MAD1L1: variants seen among roughly 807,000 people sequenced by gnomAD.
The protein encoded by MAD1L1 is mitotic spindle assembly checkpoint protein MAD1.
MAD1L1 carries 95 observed loss-of-function variants against 96.9 expected under a neutral mutation model. The ratio of observed to expected loss-of-function variants is 0.98; its 90% CI spans 0.83 to 1.16. The LOEUF (loss-of-function observed/expected upper bound fraction) is 1.16, where lower values mean the gene tolerates loss of function less well. Ranked by LOEUF, MAD1L1 falls within the 50% of genes most tolerant of loss-of-function variation. MAD1L1 has a pLI of 0.00. For missense variants in MAD1L1, 1,007 were observed against 954.4 expected (o/e 1.06, Z -0.73); for synonymous variants, 473 against 396.6 (o/e 1.19, Z -2.29).
chr7:2,062,099 G>A lies in MAD1L1; in HGVS notation c.1218+7095C>T, dbSNP rs115206912. On this transcript the variant is annotated intron_variant, in intron 12 of 18. Transcript: ENST00000265854. ...CTACAAAAATACAAAAAAATTAGCT[G>A]GGTATAGTGACAGGCACCTGAAATC... is the stretch of plus-strand genomic sequence containing the variant. Among the ~76,000 whole-genome samples, 593 of 151,932 alleles carry A rather than the reference G, an allele frequency of 3.9e-3. 5 individuals are homozygous for A. The highest frequency in any genetic ancestry group is 0.013 in the African/African-American group (544 of 41,416).
chr7:1,832,109 G>C (rs1233445828), intron 18 of MAD1L1, among the ~76,000 whole-genome samples: 1 of 152,178 alleles, frequency 6.6e-6, no homozygotes, highest in East Asian at 1.9e-4. Flanking sequence ...AAAACCTTCT[G>C]GAAAGGAGCT....
chr7:2,191,988 G>A (rs1361401933), intron 10 of MAD1L1, among the ~76,000 whole-genome samples: 4 of 151,588 alleles, frequency 2.6e-5, no homozygotes, highest in Admixed American at 6.6e-5. Context: ...CTGAGATCGC[G>A]TCACTGCACT....
chr7:2,105,489 G>A (rs1787041578), intron 11 of MAD1L1, among the ~76,000 whole-genome samples: 2 of 152,100 alleles, frequency 1.3e-5, no homozygotes, highest in Non-Finnish European at 2.9e-5. Flanking sequence ...CAGGGAGCGT[G>A]GATCATCACC....
intron 12 of MAD1L1, among the ~76,000 whole-genome samples, chr7:2,030,259 C>T (rs980090526): frequency 1.2e-4 from 19 of 152,196 alleles, no homozygotes; most frequent in African/African-American, 3.1e-4. Flanking sequence ...CCCACAGTGA[C>T]GCCCGGGGTG....
At chr7:2,028,014 T>A (rs1314034317) in intron 12 of MAD1L1, among the ~76,000 whole-genome samples, 1 of 152,186 alleles carries the variant, frequency 6.6e-6, no homozygotes, top group Non-Finnish European at 1.5e-5. Context: ...AAGTTAATAA[T>A]CAAAGTCCAA....
At chr7:2,037,378 G>C (rs780968406) in intron 12 of MAD1L1, among the ~76,000 whole-genome samples, 5 of 152,190 alleles carry the variant, frequency 3.3e-5, no homozygotes, top group Non-Finnish European at 5.9e-5. Flanking sequence ...TGCTCTCCTG[G>C]ACTACACAGA....
chr7:1,979,300 G>T (rs1196456489), intron 15 of MAD1L1, among the ~76,000 whole-genome samples: 1 of 152,212 alleles, frequency 6.6e-6, no homozygotes, highest in Admixed American at 6.5e-5. Context: ...CCTGTTCTCA[G>T]TTCCTCTGAT....
chr7:1,959,893 A>C (rs1779881497), intron 15 of MAD1L1, among the ~76,000 whole-genome samples: 1 of 152,214 alleles, frequency 6.6e-6, no homozygotes, highest in African/African-American at 2.4e-5. Flanking sequence ...GCATTTAGGG[A>C]GGATCTTTCT....
intron 16 of MAD1L1, 114 bp downstream of exon 16, chr7:1,957,515 A>T (rs1398824982): frequency 2.9e-6 from 3 of 1,048,612 alleles, no homozygotes; most frequent in Non-Finnish European, 4.2e-6. Context: ...GAGAGTTCAG[A>T]CAGACGAGCC....
At chr7:1,910,724 G>A (rs560062969) in intron 17 of MAD1L1, among the ~76,000 whole-genome samples, 2 of 152,216 alleles carry the variant, frequency 1.3e-5, no homozygotes, top group African/African-American at 2.4e-5. Flanking sequence ...GAGCCTGCTC[G>A]GGCTTTGAGT....
chr7:2,070,105 CTT>C lies in MAD1L1; in HGVS notation c.1074-769_1074-768del, dbSNP rs1421896627. Among the ~76,000 whole-genome samples, 12 of 152,368 alleles carry C rather than the reference CTT, an allele frequency of 7.9e-5. No individual in the cohort carries two copies. The East Asian group carries it at 2.3e-3, about 29-fold the overall frequency. The stretch of plus-strand genomic sequence containing the variant: ...AAGCCTTTGGTGGCTCCCAACCACT[CTT>C]GGTGAGCTTCCGAGTTCGTGGCCTG... On this transcript the variant is annotated intron_variant, in intron 11 of 18. Coordinates refer to ENST00000265854, the MANE Select transcript of MAD1L1 (RefSeq NM_001013836.2).
intron 11 of MAD1L1, among the ~76,000 whole-genome samples, chr7:2,138,433 C>T (rs1187452357): frequency 6.6e-6 from 1 of 152,216 alleles, no homozygotes; most frequent in African/African-American, 2.4e-5. Flanking sequence ...GGCGCCAGAC[C>T]AAGTGGCCTA....
intron 14 of MAD1L1, among the ~76,000 whole-genome samples, chr7:1,993,433 T>C (rs1781433440): frequency 6.6e-6 from 1 of 152,192 alleles, no homozygotes; most frequent in African/African-American, 2.4e-5. Context: ...CATTGGAGAA[T>C]ATCTAAGATC....
chr7:2,207,090 A>C (rs989203033), intron 10 of MAD1L1, among the ~76,000 whole-genome samples: 1 of 152,074 alleles, frequency 6.6e-6, no homozygotes. Flanking sequence ...AAAAAAAAAA[A>C]AAAAAGAAAT....
chr7:2,020,462 G>A (rs1359211919), intron 12 of MAD1L1, among the ~76,000 whole-genome samples: 3 of 152,218 alleles, frequency 2.0e-5, no homozygotes, highest in Admixed American at 1.3e-4. Flanking sequence ...ATGGGCACAC[G>A]GCAGCTGTGA....
chr7:1,992,482 T>C (rs967641847), intron 14 of MAD1L1, among the ~76,000 whole-genome samples: 3 of 151,774 alleles, frequency 2.0e-5, no homozygotes, highest in African/African-American at 7.3e-5. Flanking sequence ...TCAAGCGCTT[T>C]GTGGAGAACT....
chr7:2,204,662 C>T (rs1208546760), intron 10 of MAD1L1, among the ~76,000 whole-genome samples: 1 of 152,366 alleles, frequency 6.6e-6, no homozygotes. Flanking sequence ...TGCGTGGAGA[C>T]GCCACGGTCC....
chr7:1,819,042 C>T (rs1781984342), intron 18 of MAD1L1, among the ~76,000 whole-genome samples: 1 of 152,104 alleles, frequency 6.6e-6, no homozygotes, highest in African/African-American at 2.4e-5. Context: ...GGAGGCTCCA[C>T]CTCGGTCTAA....
At chr7:1,864,778 G>C (rs1369859755) in intron 18 of MAD1L1, among the ~76,000 whole-genome samples, 1 of 152,126 alleles carries the variant, frequency 6.6e-6, no homozygotes, top group Admixed American at 6.5e-5. Context: ...ACTGTTGGGA[G>C]AGCCTGGTGC....
Sources: gnomAD v4.1 joint callset for allele counts (sites outside exome capture counted in the v4.1 genomes callset) on GRCh38, gnomAD v4.1.1 for gene constraint, MANE v1.5 for transcripts, NCBI Gene and HGNC (gene_info 2026-07-23, HGNC 2026-07-21) for gene names.